KAT7: variants seen among roughly 807,000 people sequenced by gnomAD.
KAT7 encodes lysine acetyltransferase 7, also known as histone acetyltransferase KAT7.
A neutral mutation model predicts 82.1 loss-of-function variants in KAT7; 10 were observed. The observed-to-expected ratio is 0.12, with a 90% CI of 0.08 to 0.21. The LOEUF (loss-of-function observed/expected upper bound fraction) is 0.21. Ranked by LOEUF, KAT7 falls within the 10% of genes least tolerant of loss-of-function variation. The pLI is 1.00. For synonymous variants in KAT7, 250 were observed against 262.5 expected, an observed-to-expected ratio of 0.95 and a Z score of 0.46; for missense variants, 378 against 760.9, an observed-to-expected ratio of 0.50 and a Z score of 5.92.
At chr17:49,788,987 T>G in intron 1 of KAT7, 138 bp downstream of exon 1, 1 of 738,076 alleles carries the variant, frequency 1.4e-6, no homozygotes, top group South Asian at 2.6e-5. Context: ...CTCTCTTCTG[T>G]CCATACCCAA....
intron 2 of KAT7, among the ~76,000 whole-genome samples, chr17:49,795,012 T>A (rs2073937622): frequency 6.6e-6 from 1 of 152,106 alleles, no homozygotes; most frequent in Admixed American, 6.5e-5. Context: ...CTTCAGATTT[T>A]TTTTTTTTTT....
chr17:49,806,831 C>G (rs1308366827), intron 5 of KAT7, among the ~76,000 whole-genome samples: 1 of 152,184 alleles, frequency 6.6e-6, no homozygotes, highest in African/African-American at 2.4e-5. Context: ...CCTCTTTGTT[C>G]TCTCTTCTTT....
intron 4 of KAT7, among the ~76,000 whole-genome samples, chr17:49,802,097 A>G (rs973884876): frequency 6.6e-6 from 1 of 152,072 alleles, no homozygotes; most frequent in Admixed American, 6.5e-5. Context: ...TTGTCTTTTT[A>G]AAAGATACAG....
At chr17:49,792,570 A>G (rs1406685173) in intron 2 of KAT7, among the ~76,000 whole-genome samples, 1 of 152,166 alleles carries the variant, frequency 6.6e-6, no homozygotes, top group East Asian at 1.9e-4. Flanking sequence ...GAGTGGTGGC[A>G]ATGAGCCATA....
chr17:49,823,162 A>G (rs1273693529), intron 11 of KAT7, 40 bp from the exon 12 acceptor site: 2 of 1,177,922 alleles, frequency 1.7e-6, no homozygotes, highest in Non-Finnish European at 2.5e-6. Context: ...TTTGGTTTCA[A>G]ATCCTCATGA....
chr17:49,801,853 T>A (rs894174878), intron 4 of KAT7, among the ~76,000 whole-genome samples: 1 of 151,956 alleles, frequency 6.6e-6, no homozygotes, highest in African/African-American at 2.4e-5. Context: ...AAATTAAAAC[T>A]CTATAGGAAA....
chr17:49,815,994 T>C (rs943459634), intron 8 of KAT7, 81 bp downstream of exon 8: 1 of 804,942 alleles, frequency 1.2e-6, no homozygotes, highest in African/African-American at 1.7e-5. Context: ...CAAATCAGTT[T>C]GATGGGAATT....
At chr17:49,795,057 G>A (rs1405358291) in intron 2 of KAT7, among the ~76,000 whole-genome samples, 16 of 151,142 alleles carry the variant, frequency 1.1e-4, no homozygotes, top group Admixed American at 6.6e-5. Context: ...GTGAGAGAGT[G>A]AGGCTGACAC....
rs1355476276 is a variant in KAT7, at chr17:49,833,022, A to G, written c.*5520A>G. The G allele has an allele frequency of 3.3e-5, 5 of 152,206 alleles. No homozygotes were observed. Among genetic ancestry groups the G allele is most frequent in the East Asian group, 1.9e-4 (1 of 5,200 alleles). The allele number at this position is 152,206 out of a possible 1,614,324, so 9.4% of individuals were successfully genotyped here. On this transcript the variant is annotated 3_prime_UTR_variant, in exon 15 of 15. Coordinates refer to ENST00000259021, the MANE Select transcript of KAT7 (RefSeq NM_007067.5). ...GTGTGGTATCTGCAACAAAATCCCA[A>G]TGAATGTCACCAAGAAGGAAACAAA...
Position 49,788,833 on chromosome 17 carries a change from C to T in KAT7, c.-2C>T. 6.3e-7 allele frequency: 1 copy of T among 1,585,508 alleles called. No individual in the cohort carries two copies. The highest frequency in any genetic ancestry group is 8.6e-7 in the Non-Finnish European group (1 of 1,164,878). ...GGAACCGTCGGGCCGCAGCCGCCGG[C>T]AATGCCGCGAAGGAAGGTGAGAAAC... On this transcript the variant is annotated 5_prime_UTR_variant, in exon 1 of 15. Transcript: ENST00000259021.
rs958818781 is a variant in KAT7, at chr17:49,831,753, CG to C, written c.*4254del. ...TTGGCTCACTGCAAGCTCTGCCTCCCGGGTTCATGCCATTCTTCTGCTTCAG... is the reference window on the plus strand; with the variant it reads ...TTGGCTCACTGCAAGCTCTGCCTCCCGGTTCATGCCATTCTTCTGCTTCAG... On this transcript the variant is annotated 3_prime_UTR_variant, in exon 15 of 15. Coordinates refer to ENST00000259021, the MANE Select transcript of KAT7 (RefSeq NM_007067.5). 2 of 152,118 alleles carry C rather than the reference CG, an allele frequency of 1.3e-5. No individual in the cohort carries two copies. The highest frequency in any genetic ancestry group is 4.8e-5 in the African/African-American group (2 of 41,400). 9.4% of individuals were successfully genotyped at this position (152,118 alleles called of 1,614,324 possible). A position where few individuals can be genotyped will look rare whatever the true frequency, so the allele number is the denominator to read the frequency against.
At chr17:49,826,597 A>T in intron 13 of KAT7, 96 bp from the exon 14 acceptor site, 2 of 780,808 alleles carry the variant, frequency 2.6e-6, no homozygotes, top group South Asian at 1.5e-5. Flanking sequence ...GATTCTGTCC[A>T]TTTGGATTTC....
rs1196539119 is a variant in KAT7 at position 49,830,070 on chromosome 17, G to A, written c.*2568G>A. Reference sequence around the variant, plus strand: ...TTTTTGTATTTTTAGTAGAGACAGGGTTTCGTCATGTTGGTCAGGCTGATC... The same window carrying A: ...TTTTTGTATTTTTAGTAGAGACAGGATTTCGTCATGTTGGTCAGGCTGATC... On this transcript the variant is annotated 3_prime_UTR_variant, in exon 15 of 15. Coordinates refer to ENST00000259021, the MANE Select transcript of KAT7 (RefSeq NM_007067.5). The A allele has an allele frequency of 6.6e-6, 1 of 151,514 alleles. No individual in the cohort carries two copies. Among genetic ancestry groups the A allele is most frequent in the Non-Finnish European group, 1.5e-5 (1 of 67,978 alleles). The allele number at this position is 151,514 out of a possible 1,614,324, so 9.4% of individuals were successfully genotyped here.
chr17:49,798,381 T>C lies in KAT7; in HGVS notation c.403T>C (p.Ser135Pro), dbSNP rs1365899399. The change falls in exon 4 of 15, where the codon TCT becomes CCT. Residue 135 changes from serine to proline, a missense_variant. Ser to Pro is a moderately conservative substitution (Grantham distance 74, BLOSUM62 -1). Around this residue, in one of 6 missense-constraint regions of KAT7, gnomAD observed 161 missense variants for 229.6 expected, o/e 0.70. Coordinates refer to ENST00000259021, the MANE Select transcript of KAT7 (RefSeq NM_007067.5). ...PPRTPTGNAP[S>P]SESDIDISSP... Reference sequence around the variant, plus strand: ...TCGAACTCCAACTGGAAATGCGCCTTCTTCTGAGTCTGACATAGACATCTC... The same window carrying C: ...TCGAACTCCAACTGGAAATGCGCCTCCTTCTGAGTCTGACATAGACATCTC... 4.3e-6 allele frequency: 7 copies of C among 1,614,198 alleles called. No homozygotes were observed. Among genetic ancestry groups the C allele is most frequent in the Non-Finnish European group, 5.9e-6 (7 of 1,180,016 alleles).
chr17:49,792,061 A>G lies in KAT7; in HGVS notation c.163+28A>G, dbSNP rs746506635. 1.0e-5 allele frequency: 16 copies of G among 1,606,708 alleles called. No homozygotes were observed. In the South Asian group the frequency reaches 1.7e-4, roughly 17 times the overall value. On this transcript the variant is annotated intron_variant, in intron 2 of 14. Coordinates refer to ENST00000259021, the MANE Select transcript of KAT7 (RefSeq NM_007067.5). ...AAAAAAACCTTCATTTTTCCTTACC[A>G]CTCCTCACATCTGGCTGACTGGCCC... is the stretch of plus-strand genomic sequence containing the variant.
chr17:49,794,278 A>G (rs764628845), intron 2 of KAT7, among the ~76,000 whole-genome samples: 14 of 152,114 alleles, frequency 9.2e-5, no homozygotes, highest in Non-Finnish European at 1.5e-4. Flanking sequence ...CACTCCCACA[A>G]TGATGAAGTC....
In KAT7 at chr17:49,821,676, G is replaced by A. The variant is rs1440889097; in HGVS notation, c.1272G>A (p.Leu424=). 1.9e-6 allele frequency: 3 copies of A among 1,613,632 alleles called. No individual in the cohort carries two copies. The highest frequency in any genetic ancestry group is 2.2e-5 in the South Asian group (2 of 91,054). Residue 424 remains leucine (L), a synonymous_variant, in exon 11 of 15, where the codon TTG becomes TTA. Coordinates refer to ENST00000259021, the MANE Select transcript of KAT7 (RefSeq NM_007067.5). ...TCTACTGCCAAAACCTGTGCCTGTT[G>A]GCCAAACTTTTTCTGGACCACAAGA... is the stretch of plus-strand genomic sequence containing the variant. ...NKIYCQNLCL[L]AKLFLDHKTL... is the part of the protein sequence containing the mutation.
Position 49,823,246 on chromosome 17 carries a change from T to C in KAT7, c.1431T>C (p.Thr477=), listed in dbSNP as rs963592811. The part of the protein sequence containing the change: ...FLNYNVSCIL[T]MPQYMRQGYG... ...ACTACAACGTCTCCTGTATCCTTAC[T>C]ATGCCTCAGTACATGAGACAGGGCT... Residue 477 remains threonine (T), a synonymous_variant, in exon 12 of 15, where the codon ACT becomes ACC. Transcript: ENST00000259021. 4 of 1,606,778 alleles carry C rather than the reference T, an allele frequency of 2.5e-6. No individual in the cohort carries two copies. Among genetic ancestry groups the C allele is most frequent in the Non-Finnish European group, 3.4e-6 (4 of 1,173,616 alleles).
At chr17:49,794,186 A>G (rs1179416018) in intron 2 of KAT7, among the ~76,000 whole-genome samples, 1 of 152,216 alleles carries the variant, frequency 6.6e-6, no homozygotes, top group Non-Finnish European at 1.5e-5. Context: ...TGATCATGGG[A>G]ATACATTATG....
Sources: gnomAD v4.1 joint callset for allele counts (sites outside exome capture counted in the v4.1 genomes callset) on GRCh38, gnomAD v4.1.1 for gene constraint, gnomAD v4.1.1 regional missense constraint, MANE v1.5 for transcripts, NCBI Gene and HGNC (gene_info 2026-07-23, HGNC 2026-07-21) for gene names.